The following OSBPL10 variants were observed in gnomAD, a reference collection of about 807,000 sequenced individuals.
OSBPL10 encodes the protein oxysterol-binding protein-related protein 10.
In OSBPL10, 49 loss-of-function variants were observed where a neutral mutation model predicts 81.7. That is an observed-to-expected ratio of 0.60 (90% CI 0.48 to 0.76). The LOEUF is 0.76. Among genes scored for constraint, OSBPL10 ranks in the 30% least tolerant of loss-of-function variants. The pLI, the probability that OSBPL10 is intolerant of heterozygous loss-of-function variation, is 0.00. For missense variants in OSBPL10, 923 were observed against 987.8 expected (o/e 0.93, Z 0.88); for synonymous variants, 419 against 383.6 (o/e 1.09, Z -1.08).
chr3:31,914,317 A>AAT (rs1559516007), intron 1 of OSBPL10, among the ~76,000 whole-genome samples: 13 of 151,674 alleles, frequency 8.6e-5, no homozygotes, highest in African/African-American at 2.9e-4. Context: ...TGAATAAAAG[A>AAT]GTGCTATCGC....
chr3:31,778,354 C>A (rs1012845349), intron 4 of OSBPL10, among the ~76,000 whole-genome samples: 1 of 152,096 alleles, frequency 6.6e-6, no homozygotes, highest in African/African-American at 2.4e-5. Flanking sequence ...CAAGCCCTGC[C>A]CAAGGAGAGT....
At chr3:31,885,259 A>G (rs1363083031) in intron 1 of OSBPL10, among the ~76,000 whole-genome samples, 1 of 152,190 alleles carries the variant, frequency 6.6e-6, no homozygotes, top group African/African-American at 2.4e-5. Flanking sequence ...ACACTCACAC[A>G]GGTACTTGCA....
chr3:31,926,290 C>CCCCCA (rs759132998), intron 1 of OSBPL10, among the ~76,000 whole-genome samples: 8 of 45,430 alleles, frequency 1.8e-4, no homozygotes, highest in Admixed American at 5.0e-4. Flanking sequence ...GGTGATTTTG[C>CCCCCA]CCCCCCAGAG....
At chr3:31,797,332 A>T (rs1031375348) in intron 4 of OSBPL10, among the ~76,000 whole-genome samples, 1 of 152,140 alleles carries the variant, frequency 6.6e-6, no homozygotes, top group Non-Finnish European at 1.5e-5. Flanking sequence ...CAAGTTGAGT[A>T]TTCAAAAAGA....
intron 2 of OSBPL10, among the ~76,000 whole-genome samples, chr3:32,038,894 G>A (rs190334061): frequency 1.3e-5 from 2 of 152,126 alleles, no homozygotes; most frequent in African/African-American, 4.8e-5. Flanking sequence ...AAAATAAACG[G>A]ACAAAATACC....
At position 31,756,960 on chromosome 3, in the gene OSBPL10, A is replaced by G. The variant is rs191494630; in HGVS notation, c.730-8840T>C. On this transcript the variant is annotated intron_variant, in intron 4 of 11. Transcript: ENST00000396556. ...AACAGGCTTCTGAATGTATCACTGT[A>G]GTCCACAGAGAAGGCTGGAGGAGGT... Among the ~76,000 whole-genome samples the G allele has an allele frequency of 4.6e-3, 695 of 152,340 alleles. 8 individuals are homozygous for G. Among genetic ancestry groups the G allele is most frequent in the Admixed American group, 0.018 (274 of 15,302 alleles).
At chr3:31,899,686 G>C (rs1365527728) in intron 1 of OSBPL10, among the ~76,000 whole-genome samples, 2 of 152,036 alleles carry the variant, frequency 1.3e-5, no homozygotes, top group Non-Finnish European at 1.5e-5. Flanking sequence ...AGAAAAGAAA[G>C]AAAGAAAAAT....
intron 1 of OSBPL10, among the ~76,000 whole-genome samples, chr3:31,900,896 T>G (rs1012282715): frequency 2.0e-5 from 3 of 152,210 alleles, no homozygotes; most frequent in Non-Finnish European, 4.4e-5. Context: ...TGGTTTCAGA[T>G]AGTCTTCATT....
chr3:31,675,775 TC>T (rs1437700910), intron 8 of OSBPL10, among the ~76,000 whole-genome samples: 1 of 150,128 alleles, frequency 6.7e-6, no homozygotes, highest in Non-Finnish European at 1.5e-5. Context: ...AAAACCCCCA[TC>T]TCTACTAAAA....
At chr3:31,903,543 C>G (rs753311302) in intron 1 of OSBPL10, among the ~76,000 whole-genome samples, 11 of 152,108 alleles carry the variant, frequency 7.2e-5, no homozygotes, top group Non-Finnish European at 1.2e-4. Context: ...GTTACCCAGG[C>G]TGGTCTCAAA....
intron 1 of OSBPL10, among the ~76,000 whole-genome samples, chr3:31,896,088 A>C (rs1696048618): frequency 6.6e-6 from 1 of 152,238 alleles, no homozygotes; most frequent in South Asian, 2.1e-4. Flanking sequence ...CATTAATTCC[A>C]AGAAACTCAA....
At chr3:31,756,328 C>A (rs971833945) in intron 4 of OSBPL10, among the ~76,000 whole-genome samples, 1 of 152,220 alleles carries the variant, frequency 6.6e-6, no homozygotes, top group African/African-American at 2.4e-5. Flanking sequence ...TTCCTTTCCA[C>A]TGTCCCTCAG....
chr3:31,700,520 G>A (rs1033921162), intron 7 of OSBPL10: 3 of 151,220 alleles, frequency 2.0e-5, no homozygotes, highest in African/African-American at 4.9e-5. Context: ...ATCCTACATC[G>A]TTACCCAGTA....
At chr3:31,989,423 A>G in intron 2 of OSBPL10, 1 of 1,614,236 alleles carries the variant, frequency 6.2e-7, no homozygotes, top group Non-Finnish European at 8.5e-7. Context: ...TTTGAGTTTC[A>G]ATGGCAAGAA....
intron 1 of OSBPL10, among the ~76,000 whole-genome samples, chr3:31,979,853 A>G (rs1005283900): frequency 6.6e-6 from 1 of 152,090 alleles, no homozygotes; most frequent in Non-Finnish European, 1.5e-5. Flanking sequence ...CCACGTGTCC[A>G]TAACTAGGCT....
intron 2 of OSBPL10, among the ~76,000 whole-genome samples, chr3:32,014,397 C>A (rs963332366): frequency 1.2e-4 from 19 of 152,166 alleles, no homozygotes; most frequent in Non-Finnish European, 2.6e-4. Flanking sequence ...ATTCAACAGT[C>A]CTTCATGCTA....
rs186139766 is a variant in OSBPL10, at chr3:31,720,439, T to G, written c.1095+12818A>C. ...ATAAAAAGCAAAGCCAGGCATTTCT[T>G]TTCCAATAATGAGTCCAGCTGAGCT... On this transcript the variant is annotated intron_variant, in intron 6 of 11. Transcript: ENST00000396556. Among the ~76,000 whole-genome samples, 302 of 152,306 alleles carry G rather than the reference T, an allele frequency of 2.0e-3. 5 individuals carry two copies. Among genetic ancestry groups the G allele is most frequent in the African/African-American group, 7.0e-3 (291 of 41,564 alleles).
intron 1 of OSBPL10, among the ~76,000 whole-genome samples, chr3:31,966,760 A>G (rs941264055): frequency 3.9e-5 from 6 of 152,040 alleles, no homozygotes; most frequent in Admixed American, 6.5e-5. Flanking sequence ...ACCTGATTGA[A>G]ATCCAATTTA....
intron 2 of OSBPL10, chr3:32,037,465 C>T (rs1699531566): frequency 5.8e-6 from 1 of 173,012 alleles, no homozygotes; most frequent in African/African-American, 2.4e-5. Flanking sequence ...GACTGGGCAA[C>T]ATAGCAAGAC....
Sources: gnomAD v4.1 joint callset for allele counts (sites outside exome capture counted in the v4.1 genomes callset) on GRCh38, gnomAD v4.1.1 for gene constraint, MANE v1.5 for transcripts, NCBI Gene and HGNC (gene_info 2026-07-23, HGNC 2026-07-21) for gene names.